RNF180: variants seen among roughly 807,000 people sequenced by gnomAD.
RNF180 encodes the protein ring finger protein 180.
RNF180 carries 38 observed loss-of-function variants against 59.2 expected under a neutral mutation model. That is an observed-to-expected ratio of 0.64 (90% confidence interval 0.50 to 0.84). The LOEUF is 0.84. Among genes scored for constraint, RNF180 ranks in the 40% least tolerant of loss-of-function variants. The pLI is 0.00. For synonymous variants in RNF180, 262 were observed against 240.3 expected (o/e 1.09, Z -0.84); for missense variants, 705 against 700.9 (o/e 1.01, Z -0.07).
At chr5:64,216,143 A>C (rs1346426806) in intron 4 of RNF180, among the ~76,000 whole-genome samples, 1 of 152,176 alleles carries the variant, frequency 6.6e-6, no homozygotes, top group East Asian at 1.9e-4. Flanking sequence ...GTAGCACAGA[A>C]GCTACAGGCA....
At chr5:64,329,975 AGTT>A (rs1374210799) in intron 6 of RNF180, among the ~76,000 whole-genome samples, 2 of 152,112 alleles carry the variant, frequency 1.3e-5, no homozygotes, top group African/African-American at 2.4e-5. Context: ...TTTAGACTAC[AGTT>A]GTTTTAAGGT....
intron 7 of RNF180, among the ~76,000 whole-genome samples, chr5:64,361,125 C>A (rs1463080391): frequency 1.3e-5 from 2 of 151,348 alleles, no homozygotes; most frequent in African/African-American, 2.4e-5. Context: ...TAACAGCCAA[C>A]ATGTTTTATG....
At chr5:64,328,008 T>C (rs1744729326) in intron 6 of RNF180, among the ~76,000 whole-genome samples, 1 of 152,170 alleles carries the variant, frequency 6.6e-6, no homozygotes, top group Non-Finnish European at 1.5e-5. Context: ...CTGATTCCTT[T>C]ATTGTAATTT....
At position 64,325,269 on chromosome 5, in the gene RNF180, C is replaced by T. The variant is rs569273114; in HGVS notation, c.1311C>T (p.Asp437=). ...GCTACATCTGTGCAGTGTGTCTGGACGTTTATTTCAACCCTTATATGTGTT... is the reference window on the plus strand; with the variant it reads ...GCTACATCTGTGCAGTGTGTCTGGATGTTTATTTCAACCCTTATATGTGTT... ...KDSYICAVCL[D]VYFNPYMCYP... Residue 437 remains aspartate, a synonymous_variant, in exon 6 of 8, where the codon GAC becomes GAT. Transcript: ENST00000389100. The T allele has an allele frequency of 2.1e-5, 32 of 1,551,242 alleles. No homozygotes were observed. Among genetic ancestry groups the T allele is most frequent in the Middle Eastern group, 1.7e-4 (1 of 5,992 alleles).
At chr5:64,320,995 G>A (rs1182871278) in intron 5 of RNF180, among the ~76,000 whole-genome samples, 1 of 151,924 alleles carries the variant, frequency 6.6e-6, no homozygotes, top group Non-Finnish European at 1.5e-5. Context: ...CCGAGATCGC[G>A]CCACTGCACT....
At chr5:64,226,637 G>C (rs1741777498) in intron 5 of RNF180, among the ~76,000 whole-genome samples, 1 of 149,752 alleles carries the variant, frequency 6.7e-6, no homozygotes, top group Admixed American at 6.7e-5. Flanking sequence ...CCCTCTCTGA[G>C]AAACACCCAA....
chr5:64,217,516 G>T lies in RNF180; in HGVS notation c.1227+120G>T, dbSNP rs911904616. 6 of 1,272,524 alleles carry T rather than the reference G, an allele frequency of 4.7e-6. No individual in the cohort carries two copies. In the African/African-American group the frequency reaches 7.6e-5, roughly 16 times the overall value. 78.8% of individuals were successfully genotyped at this position (1,272,524 alleles called of 1,614,324 possible). A position where few individuals can be genotyped will look rare whatever the true frequency, so the allele number is the denominator to read the frequency against. ...TGTGCGTCCTTGAAAGCAAGCACTG[G>T]TATTCTCAGTGTTTTAAAATTTTAG... On this transcript the variant is annotated intron_variant, in intron 5 of 7. Transcript: ENST00000389100.
intron 1 of RNF180, among the ~76,000 whole-genome samples, chr5:64,173,317 A>G (rs1055162953): frequency 6.6e-6 from 1 of 152,198 alleles, no homozygotes; most frequent in African/African-American, 2.4e-5. Flanking sequence ...GTAAATAGCC[A>G]TTTAATTTCA....
chr5:64,196,325 G>T (rs1388587165), intron 1 of RNF180, among the ~76,000 whole-genome samples: 2 of 151,970 alleles, frequency 1.3e-5, no homozygotes, highest in African/African-American at 4.8e-5. Context: ...TTAATGGAAT[G>T]ATTTTAAAGT....
At chr5:64,222,611 AGCT>A (rs1741413570) in intron 5 of RNF180, among the ~76,000 whole-genome samples, 1 of 152,158 alleles carries the variant, frequency 6.6e-6, no homozygotes, top group Admixed American at 6.5e-5. Flanking sequence ...TTTTATTGGG[AGCT>A]GGTCACATAG....
intron 5 of RNF180, among the ~76,000 whole-genome samples, chr5:64,297,690 T>G (rs528389292): frequency 6.6e-6 from 1 of 152,190 alleles, no homozygotes; most frequent in African/African-American, 2.4e-5. Flanking sequence ...AAAAAAAGTT[T>G]CCAGTTTTTA....
chr5:64,361,729 G>A (rs1454203130), intron 7 of RNF180, among the ~76,000 whole-genome samples: 1 of 151,496 alleles, frequency 6.6e-6, no homozygotes, highest in East Asian at 1.9e-4. Flanking sequence ...AATAAGTTAT[G>A]ATTATGCCTG....
At chr5:64,253,478 C>T (rs946753148) in intron 5 of RNF180, among the ~76,000 whole-genome samples, 3 of 152,058 alleles carry the variant, frequency 2.0e-5, no homozygotes, top group South Asian at 2.1e-4. Flanking sequence ...ACAGGTTTCC[C>T]GTTTTGGAGA....
At chr5:64,335,024 G>T (rs1419764711) in intron 7 of RNF180, among the ~76,000 whole-genome samples, 1 of 152,060 alleles carries the variant, frequency 6.6e-6, no homozygotes, top group Non-Finnish European at 1.5e-5. Flanking sequence ...ACCACATTTG[G>T]TATTTTCAGT....
At chr5:64,312,529 T>TC (rs1056028099) in intron 5 of RNF180, among the ~76,000 whole-genome samples, 2 of 151,796 alleles carry the variant, frequency 1.3e-5, no homozygotes, top group Admixed American at 1.3e-4. Flanking sequence ...GGGGAGCATC[T>TC]CTGTTCAATC....
intron 5 of RNF180, among the ~76,000 whole-genome samples, chr5:64,293,233 T>C (rs1742702412): frequency 6.6e-6 from 1 of 152,208 alleles, no homozygotes. Context: ...TTTGGCTCTG[T>C]GTTGCTCCTG....
chr5:64,210,726 A>G (rs1398223101), intron 2 of RNF180, among the ~76,000 whole-genome samples: 1 of 152,072 alleles, frequency 6.6e-6, no homozygotes, highest in Non-Finnish European at 1.5e-5. Flanking sequence ...TGAATTGGTA[A>G]ACTTATTCAG....
intron 1 of RNF180, among the ~76,000 whole-genome samples, chr5:64,168,787 G>T (rs1424463633): frequency 6.6e-6 from 1 of 152,146 alleles, no homozygotes; most frequent in Admixed American, 6.5e-5. Flanking sequence ...CAAGTTGTGT[G>T]TGCAACAGAC....
chr5:64,329,652 T>G (rs1358415317), intron 6 of RNF180, among the ~76,000 whole-genome samples: 1 of 152,062 alleles, frequency 6.6e-6, no homozygotes, highest in African/African-American at 2.4e-5. Flanking sequence ...GAGATGGGGT[T>G]CCACCATGTT....
Sources: gnomAD v4.1 joint callset for allele counts (sites outside exome capture counted in the v4.1 genomes callset) on GRCh38, gnomAD v4.1.1 for gene constraint, MANE v1.5 for transcripts, NCBI Gene and HGNC (gene_info 2026-07-23, HGNC 2026-07-21) for gene names.